Variants in ROCK2 observed in about 807,000 individuals in gnomAD.
ROCK2 encodes the protein Rho associated coiled-coil containing protein kinase 2.
In ROCK2, 61 loss-of-function variants were observed where a neutral mutation model predicts 195.1. The ratio of observed to expected loss-of-function variants is 0.31; its 90% CI spans 0.25 to 0.39. The LOEUF (loss-of-function observed/expected upper bound fraction) is 0.39, where lower values mean the gene tolerates loss of function less well. ROCK2 is among the 10% of genes least tolerant of loss of function. The pLI is 1.00. For synonymous variants in ROCK2, 504 were observed against 545.5 expected (o/e 0.92, Z 1.06); for missense variants, 1,109 against 1,637.4 (o/e 0.68, Z 5.57).
At chr2:11,194,202 G>A in intron 29 of ROCK2, 54 bp downstream of exon 29, 1 of 741,930 alleles carries the variant, frequency 1.3e-6, no homozygotes, top group Non-Finnish European at 2.1e-6. Flanking sequence ...TGCATTGTTA[G>A]TCTCTTATAC....
At chr2:11,183,497 A>C in intron 32 of ROCK2, 57 bp from the exon 33 acceptor site, 1 of 1,306,952 alleles carries the variant, frequency 7.7e-7, no homozygotes, top group Middle Eastern at 2.1e-4. Context: ...TAAGAGTGTT[A>C]AATTCCTAGA....
chr2:11,344,586 C>A lies in ROCK2; in HGVS notation c.-450G>T. On this transcript the variant is annotated 5_prime_UTR_variant, in exon 1 of 33. Transcript: ENST00000315872. The surrounding 1 kb of genome is among the most constrained non-coding windows in gnomAD (Gnocchi z 5.4). ...GCCATGGTCGCCGCCGGCCGCCTTGCAGTCCCTCAGCCAGCTCCCGGCGCA... is the reference window on the plus strand; with the variant it reads ...GCCATGGTCGCCGCCGGCCGCCTTGAAGTCCCTCAGCCAGCTCCCGGCGCA... 1 of 686,496 alleles carries A rather than the reference C, an allele frequency of 1.5e-6. No individual in the cohort carries two copies. Among genetic ancestry groups the A allele is most frequent in the Non-Finnish European group, 1.8e-6 (1 of 558,524 alleles). 42.5% of individuals were successfully genotyped at this position (686,496 alleles called of 1,614,324 possible). A position where few individuals can be genotyped will look rare whatever the true frequency, so the allele number is the denominator to read the frequency against.
intron 7 of ROCK2, 78 bp downstream of exon 7, chr2:11,224,244 T>C: frequency 7.4e-7 from 1 of 1,345,832 alleles, no homozygotes. Context: ...ATTTCATATG[T>C]TAATAAGCTA....
chr2:11,325,247 G>A (rs756178357), intron 1 of ROCK2, among the ~76,000 whole-genome samples: 1 of 152,176 alleles, frequency 6.6e-6, no homozygotes, highest in African/African-American at 2.4e-5. Context: ...TTTTGTGTAT[G>A]TGGTTCTGGC....
At position 11,344,448 on chromosome 2, in the gene ROCK2, G is replaced by A. The variant is rs1669221710; in HGVS notation, c.-312C>T. The A allele has an allele frequency of 2.9e-6, 3 of 1,027,326 alleles. No individual in the cohort carries two copies. Among genetic ancestry groups the A allele is most frequent in the South Asian group, 4.6e-5 (1 of 21,688 alleles). The allele number at this position is 1,027,326 out of a possible 1,614,324, so 63.6% of individuals were successfully genotyped here. A position where few individuals can be genotyped will look rare whatever the true frequency, so the allele number is the denominator to read the frequency against. ...CAGCGAGTGCCCGCAGGAGTCCTCGGGCGGGAGCAGGGAAGTGGCGCCGCC... is the reference window on the plus strand; with the variant it reads ...CAGCGAGTGCCCGCAGGAGTCCTCGAGCGGGAGCAGGGAAGTGGCGCCGCC... On this transcript the variant is annotated 5_prime_UTR_variant, in exon 1 of 33. Coordinates refer to ENST00000315872, the MANE Select transcript of ROCK2 (RefSeq NM_004850.5). The surrounding 1 kb of genome is among the most constrained non-coding windows in gnomAD (Gnocchi z 5.4).
At chr2:11,210,215 A>G (rs1300985008) in intron 18 of ROCK2, among the ~76,000 whole-genome samples, 1 of 151,874 alleles carries the variant, frequency 6.6e-6, no homozygotes, top group Non-Finnish European at 1.5e-5. Flanking sequence ...ATTTTTATCA[A>G]TTCAGAGAAT....
chr2:11,266,924 A>G (rs955722468), intron 3 of ROCK2, among the ~76,000 whole-genome samples: 3 of 152,204 alleles, frequency 2.0e-5, no homozygotes, highest in African/African-American at 7.2e-5. Context: ...TGTAGCCAAA[A>G]CAAATTTTGA....
intron 1 of ROCK2, among the ~76,000 whole-genome samples, chr2:11,317,599 TATA>T (rs1668250124): frequency 1.7e-4 from 3 of 17,380 alleles, no homozygotes; most frequent in African/African-American, 5.2e-4. Flanking sequence ...TATATATATA[TATA>T]TATATATATA....
At chr2:11,286,766 G>A in intron 2 of ROCK2, 127 bp from the exon 3 acceptor site, 1 of 547,774 alleles carries the variant, frequency 1.8e-6, no homozygotes, top group East Asian at 3.2e-5. Flanking sequence ...GTTTTTAAAG[G>A]CTGTTAGTTA....
chr2:11,238,586 G>A lies in ROCK2; in HGVS notation c.463-2624C>T, dbSNP rs560880239. On this transcript the variant is annotated intron_variant, in intron 4 of 32. Coordinates refer to ENST00000315872, the MANE Select transcript of ROCK2 (RefSeq NM_004850.5). ...ATACTGGCCAGGCACGGTGGCTCAC[G>A]CCGGTAATCCCAACACTTGAGGAGG... 1.1e-4 allele frequency among the ~76,000 whole-genome samples: 16 copies of A among 152,242 alleles called. 1 individual carries two copies. In the South Asian group the frequency reaches 2.7e-3, roughly 26 times the overall value.
chr2:11,258,986 T>A (rs78574088), intron 3 of ROCK2, among the ~76,000 whole-genome samples: 4 of 151,136 alleles, frequency 2.6e-5, no homozygotes, highest in African/African-American at 9.9e-5. Context: ...GGTGACAGAC[T>A]GGAGGAAATT....
chr2:11,256,736 T>A (rs942626134), intron 3 of ROCK2, among the ~76,000 whole-genome samples: 2 of 151,324 alleles, frequency 1.3e-5, no homozygotes, highest in African/African-American at 4.9e-5. Flanking sequence ...TTATAAGAGA[T>A]AAGGTAATTT....
intron 1 of ROCK2, chr2:11,308,247 C>T (rs1667924506): frequency 8.0e-7 from 1 of 1,248,730 alleles, no homozygotes; most frequent in Non-Finnish European, 1.2e-6. Context: ...CGAAGTACAG[C>T]TTTACAGTCC....
At chr2:11,250,079 A>G (rs993084388) in intron 3 of ROCK2, among the ~76,000 whole-genome samples, 1 of 152,202 alleles carries the variant, frequency 6.6e-6, no homozygotes, top group Non-Finnish European at 1.5e-5. Context: ...TCATTCTCTC[A>G]TATTAATTAA....
At chr2:11,188,211 A>G (rs2148023552) in intron 32 of ROCK2, among the ~76,000 whole-genome samples, 1 of 150,806 alleles carries the variant, frequency 6.6e-6, no homozygotes, top group South Asian at 2.1e-4. Context: ...CCTGGGTTCA[A>G]GCAATTCTCT....
intron 12 of ROCK2, 94 bp downstream of exon 12, chr2:11,216,996 A>T: frequency 1.6e-6 from 1 of 627,078 alleles, no homozygotes. Flanking sequence ...TGCTGGGATT[A>T]CAGGTGTGAG....
intron 3 of ROCK2, among the ~76,000 whole-genome samples, chr2:11,263,121 G>GA: frequency 6.6e-6 from 1 of 152,110 alleles, no homozygotes. Flanking sequence ...TCCAAAAAAG[G>GA]AATTAAAAAG....
chr2:11,300,845 A>G (rs780394647), intron 1 of ROCK2, among the ~76,000 whole-genome samples: 6 of 152,174 alleles, frequency 3.9e-5, no homozygotes, highest in Non-Finnish European at 8.8e-5. Context: ...AAAATGATCT[A>G]CTAAGGTGCA....
At chr2:11,274,074 A>C (rs1033928046) in intron 3 of ROCK2, among the ~76,000 whole-genome samples, 1 of 152,128 alleles carries the variant, frequency 6.6e-6, no homozygotes, top group African/African-American at 2.4e-5. Context: ...AATGAAAACA[A>C]CACAACAAAA....
Sources: gnomAD v4.1 joint callset for allele counts (sites outside exome capture counted in the v4.1 genomes callset) on GRCh38, gnomAD v4.1.1 for gene constraint, Gnocchi (gnomAD v3.1) non-coding constraint, MANE v1.5 for transcripts, NCBI Gene and HGNC (gene_info 2026-07-23, HGNC 2026-07-21) for gene names.